The following SEPTIN3 variants were observed in gnomAD, a reference collection of about 807,000 sequenced individuals.
The protein encoded by SEPTIN3 is neuronal-specific septin-3.
Under a neutral mutation model 45.1 loss-of-function variants are expected in SEPTIN3, and 15 were observed. The ratio of observed to expected loss-of-function variants is 0.33; its 90% CI spans 0.22 to 0.51. The LOEUF is 0.51. Among genes scored for constraint, SEPTIN3 ranks in the 20% least tolerant of loss-of-function variants. The probability of loss-of-function intolerance (pLI) is 0.97; values close to 1 mark genes in which losing one functional copy is unlikely to be tolerated. For synonymous variants in SEPTIN3, 148 were observed against 164.8 expected, an observed-to-expected ratio of 0.90 and a Z score of 0.78; for missense variants, 289 against 457.2, an observed-to-expected ratio of 0.63 and a Z score of 3.35.
chr22:41,996,288 T>C (rs1015343288), intron 11 of SEPTIN3: 1 of 985,282 alleles, frequency 1.0e-6, no homozygotes, highest in African/African-American at 1.7e-5. Flanking sequence ...ATCTGTAAGA[T>C]TCATGAAATT....
intron 3 of SEPTIN3, among the ~76,000 whole-genome samples, chr22:41,984,546 T>C (rs902760514): frequency 6.6e-5 from 10 of 152,198 alleles, no homozygotes; most frequent in African/African-American, 2.4e-4. Flanking sequence ...AGTGGGTTTG[T>C]TTCTTTTGAG....
intron 11 of SEPTIN3, chr22:41,995,053 C>G (rs1246220363): frequency 1.7e-6 from 2 of 1,154,440 alleles, no homozygotes; most frequent in Non-Finnish European, 2.2e-6. Context: ...TTCCTTGTGT[C>G]CCAAAACAAA....
At chr22:41,990,701 G>A (rs1387110028) in intron 7 of SEPTIN3, among the ~76,000 whole-genome samples, 13 of 144,818 alleles carry the variant, frequency 9.0e-5, no homozygotes, top group African/African-American at 2.6e-4. Flanking sequence ...AGCTGAGATC[G>A]TGCTACTGTA....
rs938425216 is a variant in SEPTIN3 at position 41,994,534 on chromosome 22, G to C, written c.2412-87G>C. ...TCCTGGGAGTGGTTCCCATTCACTG[G>C]GTCCAGTCCCTCGAAGTGATGTGTG... On this transcript the variant is annotated intron_variant, in intron 10 of 11. Coordinates refer to ENST00000644076, the MANE Select transcript of SEPTIN3 (RefSeq NM_001363845.2). This position sits in a 1 kb window ranked among gnomAD's most constrained non-coding sequence, Gnocchi z 4.2. 84 of 1,590,240 alleles carry C rather than the reference G, an allele frequency of 5.3e-5. No homozygotes were observed. Among genetic ancestry groups the C allele is most frequent in the Non-Finnish European group, 6.6e-5 (77 of 1,166,074 alleles).
chr22:41,996,319 A>C (rs1346224815), intron 11 of SEPTIN3: 1 of 985,292 alleles, frequency 1.0e-6, no homozygotes, highest in African/African-American at 1.7e-5. Flanking sequence ...GAAACAGTTT[A>C]GCCTTAGGGA....
chr22:41,969,817 A>C (rs1311946929), intron 1 of SEPTIN3, 140 bp downstream of exon 1: 1 of 152,108 alleles, frequency 6.6e-6, no homozygotes, highest in Non-Finnish European at 1.5e-5. Flanking sequence ...GCCCTCGGAC[A>C]CCCTGTCCTC....
At chr22:41,992,901 C>T (rs1335418587) in intron 9 of SEPTIN3, 138 bp downstream of exon 9, 2 of 661,098 alleles carry the variant, frequency 3.0e-6, no homozygotes, top group African/African-American at 3.6e-5. Flanking sequence ...AAGGAGCTTA[C>T]AGTCTCATTG....
intron 1 of SEPTIN3, among the ~76,000 whole-genome samples, chr22:41,970,345 G>C (rs2146660458): frequency 6.6e-6 from 1 of 152,190 alleles, no homozygotes; most frequent in East Asian, 1.9e-4. Context: ...CCCTACCCTG[G>C]GCAGTCCCGC....
In SEPTIN3 at chr22:41,991,680, G is replaced by C. The variant is rs200007226; in HGVS notation, c.2259+12G>C. On this transcript the variant is annotated intron_variant, in intron 8 of 11. Coordinates refer to ENST00000644076, the MANE Select transcript of SEPTIN3 (RefSeq NM_001363845.2). ...ATGACAAAATCAGGGTGGGTGCCTG[G>C]GGCACTGCTCCTCCACTGATGCCCC... The C allele has an allele frequency of 1.1e-5, 17 of 1,561,544 alleles. No homozygotes were observed. Among genetic ancestry groups the C allele is most frequent in the Non-Finnish European group, 1.5e-5 (17 of 1,132,236 alleles).
At chr22:41,977,277 G>T (rs2078044271) in intron 2 of SEPTIN3, among the ~76,000 whole-genome samples, 1 of 152,092 alleles carries the variant, frequency 6.6e-6, no homozygotes, top group South Asian at 2.1e-4. Flanking sequence ...GCGGGGAGAC[G>T]CAGGGACCCA....
chr22:41,974,140 T>TG (rs1192494036), intron 2 of SEPTIN3, among the ~76,000 whole-genome samples: 1 of 93,982 alleles, frequency 1.1e-5, no homozygotes, highest in Non-Finnish European at 2.5e-5. Context: ...AGACCCTGTC[T>TG]CAAAAAAAAA....
rs5751195 is a variant in SEPTIN3, at chr22:41,983,997, A to G, written c.1697-1987A>G. On this transcript the variant is annotated intron_variant, in intron 3 of 11. Transcript: ENST00000644076. ...AAACATCTCAGAGCAAGCATGGCAA[A>G]TCCAACACCCGTGAGCCACTTCTCT... is the stretch of plus-strand genomic sequence containing the variant. 7.2e-5 allele frequency among the ~76,000 whole-genome samples: 11 copies of G among 152,010 alleles called. No homozygotes were observed. In the East Asian group the frequency reaches 2.1e-3, roughly 29 times the overall value.
chr22:41,981,874 G>T (rs2269665), intron 3 of SEPTIN3, 38 bp downstream of exon 3: 1 of 1,574,492 alleles, frequency 6.4e-7, no homozygotes, highest in Non-Finnish European at 8.7e-7. Flanking sequence ...GCCTGGTGGC[G>T]GGCAGCACCA....
chr22:41,984,693 TA>T (rs2078174280), intron 3 of SEPTIN3, among the ~76,000 whole-genome samples: 2 of 151,994 alleles, frequency 1.3e-5, no homozygotes, highest in Admixed American at 1.3e-4. Flanking sequence ...CATGCCCGGC[TA>T]ATTTTTGTAT....
Position 41,994,748 on chromosome 22 carries a change from A to C in SEPTIN3, c.2505+34A>C. 6.2e-7 allele frequency: 1 copy of C among 1,614,076 alleles called. No homozygotes were observed. Among genetic ancestry groups the C allele is most frequent in the Non-Finnish European group, 8.5e-7 (1 of 1,180,018 alleles). ...GGACACAGAGGAAAGCCACGACAGTAACCCATGACGACCACTTCTCTGTGT... is the reference window on the plus strand; with the variant it reads ...GGACACAGAGGAAAGCCACGACAGTCACCCATGACGACCACTTCTCTGTGT... On this transcript the variant is annotated intron_variant, in intron 11 of 11. Transcript: ENST00000644076. The surrounding 1 kb of genome is among the most constrained non-coding windows in gnomAD (Gnocchi z 4.2).
intron 2 of SEPTIN3, chr22:41,977,071 A>G: frequency 6.2e-7 from 1 of 1,601,006 alleles, no homozygotes; most frequent in Non-Finnish European, 8.5e-7. Flanking sequence ...ATTCATGTCC[A>G]AAGGTAGGGC....
chr22:41,970,481 C>A (rs980923236), intron 1 of SEPTIN3, among the ~76,000 whole-genome samples: 5 of 152,172 alleles, frequency 3.3e-5, no homozygotes, highest in African/African-American at 1.2e-4. Context: ...CTGTTCCCAT[C>A]TGATCCCTCT....
chr22:41,984,460 G>A (rs150638247), intron 3 of SEPTIN3, among the ~76,000 whole-genome samples: 5 of 152,196 alleles, frequency 3.3e-5, no homozygotes, highest in Admixed American at 6.5e-5. Context: ...GGGCAATGCC[G>A]AGGCTGCTTG....
At chr22:41,990,858 G>T (rs1033388927) in intron 7 of SEPTIN3, among the ~76,000 whole-genome samples, 3 of 151,908 alleles carry the variant, frequency 2.0e-5, no homozygotes, top group Admixed American at 2.0e-4. Context: ...AAGGTCAGGA[G>T]TTCGAGACCA....
Sources: gnomAD v4.1 joint callset for allele counts (sites outside exome capture counted in the v4.1 genomes callset) on GRCh38, gnomAD v4.1.1 for gene constraint, Gnocchi (gnomAD v3.1) non-coding constraint, MANE v1.5 for transcripts, NCBI Gene and HGNC (gene_info 2026-07-23, HGNC 2026-07-21) for gene names.